TMEM106B: variants seen among roughly 807,000 people sequenced by gnomAD.
TMEM106B encodes transmembrane protein 106B.
A neutral mutation model predicts 31.1 loss-of-function variants in TMEM106B; 15 were observed. The observed-to-expected ratio is 0.48, with a 90% CI of 0.32 to 0.74. The LOEUF is 0.74. Among genes scored for constraint, TMEM106B ranks in the 30% least tolerant of loss-of-function variants. The probability of loss-of-function intolerance (pLI) is 0.03; values close to 1 mark genes in which losing one functional copy is unlikely to be tolerated. For synonymous variants in TMEM106B, 126 were observed against 112.5 expected (o/e 1.12, Z -0.76); for missense variants, 283 against 327.3 (o/e 0.86, Z 1.04).
At chr7:12,216,982 G>A (rs1462790774) in intron 2 of TMEM106B, among the ~76,000 whole-genome samples, 1 of 152,002 alleles carries the variant, frequency 6.6e-6, no homozygotes, top group African/African-American at 2.4e-5. Flanking sequence ...ATAGCAGAGA[G>A]AAGAGAGGTA....
chr7:12,218,665 T>C, intron 3 of TMEM106B, 144 bp downstream of exon 3: 1 of 665,186 alleles, frequency 1.5e-6, no homozygotes, highest in Non-Finnish European at 2.5e-6. Context: ...ATGCTTTGTA[T>C]CCTTAAACAG....
In TMEM106B at chr7:12,239,436, T is replaced by TA. The variant is rs1262474410; in HGVS notation, c.*7462dup. ...TTTTCTGGAACACTTTTCAATTACTTACAGTAAGGAAATAGCACTTTTAAT... is the reference window on the plus strand; with the variant it reads ...TTTTCTGGAACACTTTTCAATTACTTAACAGTAAGGAAATAGCACTTTTAAT... On this transcript the variant is annotated 3_prime_UTR_variant, in exon 8 of 8. Coordinates refer to ENST00000396668, the MANE Select transcript of TMEM106B (RefSeq NM_001134232.2). 5 of 152,180 alleles carry TA rather than the reference T, an allele frequency of 3.3e-5. No individual in the cohort carries two copies. The highest frequency in any genetic ancestry group is 9.6e-5 in the African/African-American group (4 of 41,458). The allele number at this position is 152,180 out of a possible 1,614,324, so 9.4% of individuals were successfully genotyped here.
chr7:12,225,684 G>A (rs1209814876), intron 4 of TMEM106B, among the ~76,000 whole-genome samples: 9 of 152,056 alleles, frequency 5.9e-5, no homozygotes, highest in African/African-American at 1.7e-4. Flanking sequence ...AGAAGTGTCC[G>A]TTCATATCCT....
intron 5 of TMEM106B, among the ~76,000 whole-genome samples, chr7:12,230,034 T>C (rs1781986832): frequency 7.0e-6 from 1 of 142,334 alleles, no homozygotes; most frequent in African/African-American, 2.7e-5. Flanking sequence ...CTGGGCAACA[T>C]GGTGAAACCT....
rs1782038225 is a variant in TMEM106B at position 12,232,109 on chromosome 7, G to GT, written c.*135dup. Reference sequence around the variant, plus strand: ...TACACTTCTAAGAGTACAGTTAAAAGTATGTGGACCTGCAGTTCTTGTAAC... The same window carrying GT: ...TACACTTCTAAGAGTACAGTTAAAAGTTATGTGGACCTGCAGTTCTTGTAAC... On this transcript the variant is annotated 3_prime_UTR_variant, in exon 8 of 8. Transcript: ENST00000396668. The GT allele has an allele frequency of 2.4e-5, 18 of 752,654 alleles. No individual in the cohort carries two copies. The South Asian group carries it at 4.9e-4, about 20-fold the overall frequency. The allele number at this position is 752,654 out of a possible 1,614,324, so 46.6% of individuals were successfully genotyped here. A position where few individuals can be genotyped will look rare whatever the true frequency, so the allele number is the denominator to read the frequency against.
chr7:12,216,929 T>A (rs1583451022), intron 2 of TMEM106B, among the ~76,000 whole-genome samples: 1 of 151,902 alleles, frequency 6.6e-6, no homozygotes, highest in African/African-American at 2.4e-5. Flanking sequence ...GCATAGGAGA[T>A]GTTACATAGA....
Position 12,234,066 on chromosome 7 carries a change from CTTTA to C in TMEM106B, c.*2094_*2097del, listed in dbSNP as rs1782081862. The C allele has an allele frequency of 6.6e-6, 1 of 151,740 alleles. No homozygotes were observed. The highest frequency in any genetic ancestry group is 6.6e-5 in the Admixed American group (1 of 15,220). The allele number at this position is 151,740 out of a possible 1,614,324, so 9.4% of individuals were successfully genotyped here. A position where few individuals can be genotyped will look rare whatever the true frequency, so the allele number is the denominator to read the frequency against. On this transcript the variant is annotated 3_prime_UTR_variant, in exon 8 of 8. Coordinates refer to ENST00000396668, the MANE Select transcript of TMEM106B (RefSeq NM_001134232.2). The stretch of plus-strand genomic sequence containing the variant: ...CCATCCTGTCCTCATGTCCCATTTA[CTTTA>C]TTATCACCATTCATTTCTTCAAAAT...
chr7:12,227,441 G>A (rs1218612044), intron 4 of TMEM106B, among the ~76,000 whole-genome samples: 1 of 151,966 alleles, frequency 6.6e-6, no homozygotes, highest in African/African-American at 2.4e-5. Context: ...ATTTACAAAT[G>A]TAATCATTCT....
intron 4 of TMEM106B, among the ~76,000 whole-genome samples, chr7:12,229,396 C>T (rs1781966574): frequency 6.6e-6 from 1 of 152,028 alleles, no homozygotes; most frequent in Non-Finnish European, 1.5e-5. Flanking sequence ...AAATGGTCAT[C>T]TTTGTATTTA....
intron 2 of TMEM106B, among the ~76,000 whole-genome samples, chr7:12,216,134 T>G (rs1781682921): frequency 6.6e-6 from 1 of 152,186 alleles, no homozygotes; most frequent in South Asian, 2.1e-4. Flanking sequence ...GGTTTTATTT[T>G]CACAAGGATA....
At chr7:12,221,165 C>T (rs1490399390) in intron 3 of TMEM106B, among the ~76,000 whole-genome samples, 1 of 151,814 alleles carries the variant, frequency 6.6e-6, no homozygotes, top group East Asian at 1.9e-4. Flanking sequence ...TCAAAAGTAA[C>T]TGCCAAAAAT....
intron 1 of TMEM106B, among the ~76,000 whole-genome samples, chr7:12,212,685 A>C (rs1269968147): frequency 6.6e-6 from 1 of 152,148 alleles, no homozygotes; most frequent in Non-Finnish European, 1.5e-5. Flanking sequence ...ATTGATACAC[A>C]ACATCCTGGT....
rs553641712 is a variant in TMEM106B at position 12,234,410 on chromosome 7, G to C, written c.*2435G>C. The C allele has an allele frequency of 2.6e-5, 4 of 151,778 alleles. No homozygotes were observed. Among genetic ancestry groups the C allele is most frequent in the African/African-American group, 9.7e-5 (4 of 41,386 alleles). The allele number at this position is 151,778 out of a possible 1,614,324, so 9.4% of individuals were successfully genotyped here. On this transcript the variant is annotated 3_prime_UTR_variant, in exon 8 of 8. Transcript: ENST00000396668. ...AAAAGATAGAAGAGAAATAAAGATG[G>C]TATGTGACTACTTTCAGAGAGAGTT...
intron 3 of TMEM106B, among the ~76,000 whole-genome samples, chr7:12,219,765 C>G (rs946525049): frequency 3.3e-5 from 5 of 151,856 alleles, no homozygotes; most frequent in Non-Finnish European, 5.9e-5. Flanking sequence ...AGAACATAAA[C>G]GGGAGGAATG....
At position 12,237,679 on chromosome 7, in the gene TMEM106B, A is replaced by C. The variant is rs1469137936; in HGVS notation, c.*5704A>C. 2 of 152,076 alleles carry C rather than the reference A, an allele frequency of 1.3e-5. No homozygotes were observed. Among genetic ancestry groups the C allele is most frequent in the Non-Finnish European group, 2.9e-5 (2 of 68,016 alleles). 9.4% of individuals were successfully genotyped at this position (152,076 alleles called of 1,614,324 possible). A position where few individuals can be genotyped will look rare whatever the true frequency, so the allele number is the denominator to read the frequency against. On this transcript the variant is annotated 3_prime_UTR_variant, in exon 8 of 8. Transcript: ENST00000396668. The stretch of plus-strand genomic sequence containing the variant: ...CGAAAAACACAATATATATGCCTTA[A>C]TAAAAAATAGGCTGTGTGCAGTGGC...
chr7:12,218,878 C>T (rs1001831481), intron 3 of TMEM106B, among the ~76,000 whole-genome samples: 2 of 152,084 alleles, frequency 1.3e-5, no homozygotes, highest in Admixed American at 1.3e-4. Flanking sequence ...GGGACCCCAA[C>T]GGCCTTAGCA....
chr7:12,237,073 G>T lies in TMEM106B; in HGVS notation c.*5098G>T, dbSNP rs1180324426. ...CACACTTACTACATTTATGAATTGA[G>T]CAGTTCTGTAATTGTAATTATTATT... On this transcript the variant is annotated 3_prime_UTR_variant, in exon 8 of 8. Transcript: ENST00000396668. 1 of 151,630 alleles carries T rather than the reference G, an allele frequency of 6.6e-6. No individual in the cohort carries two copies. The highest frequency in any genetic ancestry group is 1.5e-5 in the Non-Finnish European group (1 of 67,898). The allele number at this position is 151,630 out of a possible 1,614,324, so 9.4% of individuals were successfully genotyped here.
rs886319946 is a variant in TMEM106B at position 12,224,254 on chromosome 7, G to T, written c.310G>T (p.Val104Phe). 2.5e-6 allele frequency: 4 copies of T among 1,613,552 alleles called. No individual in the cohort carries two copies. In the African/African-American group the frequency reaches 5.3e-5, roughly 22 times the overall value. ...GCTGTATGTGATGGCTTCTGTGTTT[G>T]TCTGTCTACTCCTTTCTGGATTGGC... ...TKLYVMASVF[V>F]CLLLSGLAVF... The change falls in exon 4 of 8, where the codon GTC (valine) becomes TTC (phenylalanine). Residue 104 changes from valine (V) to phenylalanine (F), a missense_variant. By Grantham distance (50) the Val-to-Phe change is conservative (BLOSUM62 -1). This residue lies in a region of TMEM106B where 201 missense variants were observed against 211.5 expected (regional missense o/e 0.95). Coordinates refer to ENST00000396668, the MANE Select transcript of TMEM106B (RefSeq NM_001134232.2).
chr7:12,239,112 T>C lies in TMEM106B; in HGVS notation c.*7137T>C, dbSNP rs528464909. The C allele has an allele frequency of 6.6e-6, 1 of 152,328 alleles. No individual in the cohort carries two copies. Among genetic ancestry groups the C allele is most frequent in the African/African-American group, 2.4e-5 (1 of 41,588 alleles). 9.4% of individuals were successfully genotyped at this position (152,328 alleles called of 1,614,324 possible). ...AACCACTTTCATCAATGATCTTAGCTAGATATTCTGGGTAACTTACTGCAG... is the reference window on the plus strand; with the variant it reads ...AACCACTTTCATCAATGATCTTAGCCAGATATTCTGGGTAACTTACTGCAG... On this transcript the variant is annotated 3_prime_UTR_variant, in exon 8 of 8. Coordinates refer to ENST00000396668, the MANE Select transcript of TMEM106B (RefSeq NM_001134232.2).
Sources: allele counts gnomAD v4.1 joint callset (sites outside exome capture counted in the v4.1 genomes callset), GRCh38; gene constraint gnomAD v4.1.1; regional missense constraint gnomAD v4.1.1; transcripts MANE v1.5; gene names NCBI Gene and HGNC (gene_info 2026-07-23, HGNC 2026-07-21).